The following SCN4B variants were observed in gnomAD, a reference collection of about 807,000 sequenced individuals.
SCN4B encodes the protein sodium channel regulatory subunit beta-4.
SCN4B carries 20 observed loss-of-function variants against 19.6 expected under a neutral mutation model. The ratio of observed to expected loss-of-function variants is 1.02; its 90% confidence interval spans 0.72 to 1.48. The LOEUF is 1.48. Among genes scored for constraint, SCN4B ranks in the 40% most tolerant of loss-of-function variants. SCN4B has a pLI of 0.00. For missense variants in SCN4B, 271 were observed against 287.5 expected, an observed-to-expected ratio of 0.94 and a Z score of 0.42; for synonymous variants, 127 against 122.8, an observed-to-expected ratio of 1.03 and a Z score of -0.22.
chr11:118,136,867 G>A lies in SCN4B; in HGVS notation c.*160C>T, dbSNP rs1051042511. ...GGGGAGCCCTGACTGGGAAGGGGATGGGCAGGCTGGGCAGGACTCTGGTTT... is the reference window on the plus strand; with the variant it reads ...GGGGAGCCCTGACTGGGAAGGGGATAGGCAGGCTGGGCAGGACTCTGGTTT... On this transcript the variant is annotated 3_prime_UTR_variant, in exon 5 of 5. Coordinates refer to ENST00000324727, the MANE Select transcript of SCN4B (RefSeq NM_174934.4). 4 of 695,942 alleles carry A rather than the reference G, an allele frequency of 5.7e-6. No homozygotes were observed. The highest frequency in any genetic ancestry group is 3.7e-4 in the Middle Eastern group (1 of 2,714). 43.1% of individuals were successfully genotyped at this position (695,942 alleles called of 1,614,324 possible).
rs1246846049 is a variant in SCN4B, at chr11:118,134,143, T to C, written c.*2884A>G. 2 of 454,150 alleles carry C rather than the reference T, an allele frequency of 4.4e-6. No homozygotes were observed. The highest frequency in any genetic ancestry group is 2.3e-5 in the Admixed American group (1 of 42,564). The allele number at this position is 454,150 out of a possible 1,614,324, so 28.1% of individuals were successfully genotyped here. A position where few individuals can be genotyped will look rare whatever the true frequency, so the allele number is the denominator to read the frequency against. On this transcript the variant is annotated 3_prime_UTR_variant, in exon 5 of 5. Coordinates refer to ENST00000324727, the MANE Select transcript of SCN4B (RefSeq NM_174934.4). ...CCCCATCGGCTGCTCTCCCCAGGCCTCTCTAACATCAGGGGTTTATTCGGG... is the reference window on the plus strand; with the variant it reads ...CCCCATCGGCTGCTCTCCCCAGGCCCCTCTAACATCAGGGGTTTATTCGGG...
chr11:118,146,128 C>T (rs989341654), intron 1 of SCN4B, among the ~76,000 whole-genome samples: 3 of 152,044 alleles, frequency 2.0e-5, no homozygotes, highest in African/African-American at 7.2e-5. Context: ...GCAGCCCGGC[C>T]TTCTCGCCAC....
chr11:118,134,242 G>A lies in SCN4B; in HGVS notation c.*2785C>T, dbSNP rs77548426. ...GCTGATTTCATATTTTGTAGTTGAT[G>A]AGGAGCTCAGAACTTTGTCTTTAGT... On this transcript the variant is annotated 3_prime_UTR_variant, in exon 5 of 5. Coordinates refer to ENST00000324727, the MANE Select transcript of SCN4B (RefSeq NM_174934.4). The A allele has an allele frequency of 2.0e-3, 886 of 454,146 alleles. 5 individuals carry two copies. The highest frequency in any genetic ancestry group is 0.017 in the African/African-American group (828 of 50,128). The allele number at this position is 454,146 out of a possible 1,614,324, so 28.1% of individuals were successfully genotyped here.
At chr11:118,144,953 TG>T in intron 2 of SCN4B, 103 bp downstream of exon 2, 1 of 1,179,444 alleles carries the variant, frequency 8.5e-7, no homozygotes. Context: ...AGGTGGGTTC[TG>T]GGGACCATCG....
chr11:118,136,652 G>A lies in SCN4B; in HGVS notation c.*375C>T, dbSNP rs1009820331. The stretch of plus-strand genomic sequence containing the variant: ...GTGCAGCTCTTAGGACATCCCTTAC[G>A]GATCCTCCCAGTCTCTTGTGAAGAG... On this transcript the variant is annotated 3_prime_UTR_variant, in exon 5 of 5. Coordinates refer to ENST00000324727, the MANE Select transcript of SCN4B (RefSeq NM_174934.4). The A allele has an allele frequency of 1.1e-5, 5 of 461,304 alleles. No homozygotes were observed. Among genetic ancestry groups the A allele is most frequent in the East Asian group, 6.7e-5 (1 of 14,874 alleles). The allele number at this position is 461,304 out of a possible 1,614,324, so 28.6% of individuals were successfully genotyped here.
chr11:118,139,436 C>T (rs891560923), intron 4 of SCN4B, among the ~76,000 whole-genome samples: 1 of 152,230 alleles, frequency 6.6e-6, no homozygotes, highest in Non-Finnish European at 1.5e-5. Flanking sequence ...TGGCACTGAT[C>T]CCCTCTACCT....
chr11:118,136,451 G>A lies in SCN4B; in HGVS notation c.*576C>T, dbSNP rs1472895689. The A allele has an allele frequency of 4.4e-6, 2 of 453,912 alleles. No individual in the cohort carries two copies. The highest frequency in any genetic ancestry group is 3.1e-5 in the South Asian group (2 of 64,472). The allele number at this position is 453,912 out of a possible 1,614,324, so 28.1% of individuals were successfully genotyped here. On this transcript the variant is annotated 3_prime_UTR_variant, in exon 5 of 5. Transcript: ENST00000324727. ...GATAGGCAGATAGGGTCCCGGGGCA[G>A]GGGAAAGGAAGTTTCCTACTTGGAA...
intron 1 of SCN4B, chr11:118,145,690 G>A (rs909829742): frequency 1.3e-5 from 4 of 310,594 alleles, no homozygotes; most frequent in Admixed American, 8.6e-5. Context: ...CGGGCGGGGC[G>A]GTCGAGGAGG....
chr11:118,149,077 G>C (rs1291589402), intron 1 of SCN4B, among the ~76,000 whole-genome samples: 2 of 152,110 alleles, frequency 1.3e-5, no homozygotes, highest in Non-Finnish European at 2.9e-5. Flanking sequence ...CCTCATCTGG[G>C]GTTTTGTCTG....
chr11:118,143,975 A>C lies in SCN4B; in HGVS notation c.321T>G (p.Thr107=). Residue 107 remains threonine (T), a synonymous_variant, in exon 3 of 5, where the codon ACT becomes ACG. Transcript: ENST00000324727. ...TGGAAATGTTGTTCATCTTCTCCTT[A>C]GTAGAGCCTACCAGAGTGATGCGGT... ...DDDRITLVGS[T]KEKMNNISIV... is the part of the protein sequence containing the mutation. 6.2e-7 allele frequency: 1 copy of C among 1,614,134 alleles called. No homozygotes were observed. Among genetic ancestry groups the C allele is most frequent in the Non-Finnish European group, 8.5e-7 (1 of 1,179,992 alleles).
rs993384746 is a variant in SCN4B at position 118,152,544 on chromosome 11, C to T, written c.61+69G>A. 3.7e-6 allele frequency: 5 copies of T among 1,362,550 alleles called. No individual in the cohort carries two copies. In the African/African-American group the frequency reaches 5.7e-5, roughly 16 times the overall value. 84.4% of individuals were successfully genotyped at this position (1,362,550 alleles called of 1,614,324 possible). A position where few individuals can be genotyped will look rare whatever the true frequency, so the allele number is the denominator to read the frequency against. ...AGCCCACCCCATCCAAGGCATCTTCCTTCTCGAGTGTCCCCTTCTTTGGGG... is the reference window on the plus strand; with the variant it reads ...AGCCCACCCCATCCAAGGCATCTTCTTTCTCGAGTGTCCCCTTCTTTGGGG... On this transcript the variant is annotated intron_variant, in intron 1 of 4. Coordinates refer to ENST00000324727, the MANE Select transcript of SCN4B (RefSeq NM_174934.4).
At chr11:118,137,211 CTGT>C in intron 4 of SCN4B, 91 bp from the exon 5 acceptor site, 1 of 916,914 alleles carries the variant, frequency 1.1e-6, no homozygotes, top group South Asian at 1.4e-5. Context: ...GCACCCAGCC[CTGT>C]GCCTCTCCCT....
intron 4 of SCN4B, among the ~76,000 whole-genome samples, chr11:118,138,181 A>G (rs1436875807): frequency 6.6e-6 from 1 of 152,166 alleles, no homozygotes; most frequent in Non-Finnish European, 1.5e-5. Context: ...GAAAATGGCC[A>G]AGTTTTTCAC....
At chr11:118,151,039 C>T (rs1948228530) in intron 1 of SCN4B, among the ~76,000 whole-genome samples, 1 of 152,136 alleles carries the variant, frequency 6.6e-6, no homozygotes, top group South Asian at 2.1e-4. Context: ...CTGGTCTATA[C>T]AGCTGAACAG....
In SCN4B at chr11:118,145,217, A is replaced by G. The variant is rs1210266953; in HGVS notation, c.74T>C (p.Leu25Pro). ...CACCTCCAGCGACAGGGTTACGGGG[A>G]GCAGGAAGAGGCCTGTGTAAGGAGC... ...LGTGLLGLFLLPVTLSLEVSV... is the reference protein window; with the variant it reads ...LGTGLLGLFLPPVTLSLEVSV... Residue 25 changes from leucine (L) to proline (P), a missense_variant, in exon 2 of 5, where the codon CTC becomes CCC. Transcript: ENST00000324727. The G allele has an allele frequency of 1.2e-6, 2 of 1,613,840 alleles. No homozygotes were observed. Among genetic ancestry groups the G allele is most frequent in the Admixed American group, 1.7e-5 (1 of 60,010 alleles).
Position 118,133,724 on chromosome 11 carries a change from T to C in SCN4B, c.*3303A>G, listed in dbSNP as rs1196066036. 2.2e-6 allele frequency: 1 copy of C among 454,424 alleles called. No homozygotes were observed. The highest frequency in any genetic ancestry group is 7.0e-5 in the East Asian group (1 of 14,380). 28.1% of individuals were successfully genotyped at this position (454,424 alleles called of 1,614,324 possible). The stretch of plus-strand genomic sequence containing the variant: ...TGGGACAAAGTAAAGTAAAGCAAGT[T>C]ATAGGATTTTCCCGAGAAGTCCCCG... On this transcript the variant is annotated 3_prime_UTR_variant, in exon 5 of 5. Coordinates refer to ENST00000324727, the MANE Select transcript of SCN4B (RefSeq NM_174934.4).
intron 1 of SCN4B, among the ~76,000 whole-genome samples, chr11:118,151,423 G>T (rs943980926): frequency 6.6e-6 from 1 of 152,158 alleles, no homozygotes; most frequent in African/African-American, 2.4e-5. Context: ...CGTCACTAAG[G>T]CCCACTTCAT....
rs184396330 is a variant in SCN4B, at chr11:118,138,101, C to T, written c.594-981G>A. ...CCAACTTCAGTGTGTCCCTCCTCCA[C>T]AGCAGCGCCCAGGCTGGGCACACAG... On this transcript the variant is annotated intron_variant, in intron 4 of 4. Coordinates refer to ENST00000324727, the MANE Select transcript of SCN4B (RefSeq NM_174934.4). Among the ~76,000 whole-genome samples the T allele has an allele frequency of 1.8e-3, 280 of 152,246 alleles. 3 individuals are homozygous for T. Among genetic ancestry groups the T allele is most frequent in the African/African-American group, 6.4e-3 (267 of 41,514 alleles).
intron 2 of SCN4B, among the ~76,000 whole-genome samples, chr11:118,144,657 T>C (rs1172416693): frequency 6.6e-6 from 1 of 152,038 alleles, no homozygotes; most frequent in African/African-American, 2.4e-5. Flanking sequence ...CCTCTCTTCC[T>C]CTCTCTTTTC....
Sources: gnomAD v4.1 joint callset for allele counts (sites outside exome capture counted in the v4.1 genomes callset) on GRCh38, gnomAD v4.1.1 for gene constraint, MANE v1.5 for transcripts, NCBI Gene and HGNC (gene_info 2026-07-23, HGNC 2026-07-21) for gene names.